PDILT: variants seen among roughly 807,000 people sequenced by gnomAD.
PDILT encodes the protein protein disulfide isomerase like, testis expressed.
In PDILT, 43 loss-of-function variants were observed where a neutral mutation model predicts 53.7. The observed-to-expected ratio is 0.80, with a 90% confidence interval of 0.63 to 1.03. The LOEUF is 1.03. Among genes scored for constraint, PDILT ranks in the 50% least tolerant of loss-of-function variants. PDILT has a pLI of 0.00. For missense variants in PDILT, 727 were observed against 712.3 expected (o/e 1.02, Z -0.24); for synonymous variants, 282 against 274.2 (o/e 1.03, Z -0.28).
At position 20,359,542 on chromosome 16, in the gene PDILT, A is replaced by AC; in HGVS notation, c.1531dup (p.Val511GlyfsTer9). The AC allele has an allele frequency of 1.9e-6, 3 of 1,613,976 alleles. No individual in the cohort carries two copies. The highest frequency in any genetic ancestry group is 2.5e-6 in the Non-Finnish European group (3 of 1,179,996). ...CTCAGCTAGCACTTCCTCTTCTATC[A>AC]CTTCATTTTGCTCAACAGACAACAG... On this transcript the variant is annotated frameshift_variant, in exon 12 of 12. Coordinates refer to ENST00000302451, the MANE Select transcript of PDILT (RefSeq NM_174924.2). LOFTEE classifies it low-confidence loss of function (END_TRUNC).
intron 2 of PDILT, chr16:20,390,809 C>A (rs1966598517): frequency 6.6e-6 from 1 of 152,218 alleles, no homozygotes; most frequent in Non-Finnish European, 1.5e-5. Flanking sequence ...TCACCACTTA[C>A]CAGTTGTGTG....
At chr16:20,362,337 G>C (rs1011888969) in intron 10 of PDILT, 67 bp downstream of exon 10, 2 of 1,543,822 alleles carry the variant, frequency 1.3e-6, no homozygotes, top group South Asian at 2.4e-5. Context: ...TGGTGGTAGG[G>C]AGAAACTGAG....
rs1053207632 is a variant in PDILT, at chr16:20,372,742, G to T, written c.918+60C>A. ...AGCAGGGCAGGCAAATGGGCTCAGG[G>T]TCTGCAGGTCTTGGATCCTCATCCA... On this transcript the variant is annotated intron_variant, in intron 7 of 11. Transcript: ENST00000302451. The T allele has an allele frequency of 3.2e-5, 51 of 1,580,276 alleles. No individual in the cohort carries two copies. In the Admixed American group the frequency reaches 8.4e-4, roughly 26 times the overall value.
Position 20,376,066 on chromosome 16 carries a change from A to G in PDILT, c.543+2T>C. Reference sequence around the variant, plus strand: ...CCTCCTCCCACCTCTTGGTCCCAGTACCTGGAAGAAGCCAACGATGACCAA... The same window carrying G: ...CCTCCTCCCACCTCTTGGTCCCAGTGCCTGGAAGAAGCCAACGATGACCAA... On this transcript the variant is annotated splice_donor_variant, in intron 4 of 11. Transcript: ENST00000302451. LOFTEE classifies it high-confidence loss of function. 1 of 1,614,038 alleles carries G rather than the reference A, an allele frequency of 6.2e-7. No individual in the cohort carries two copies. The highest frequency in any genetic ancestry group is 2.2e-5 in the East Asian group (1 of 44,880).
rs1567324093 is a variant in PDILT at position 20,374,863 on chromosome 16, GC to G, written c.639del (p.Arg214ValfsTer18). ...FGVITIGNVI[G>X]RFHVTLDSVL... ...ACGCTGTCAAGGGTGACGTGGAAAC[GC>G]CCAATGACATTGCCAATCGTTATGA... is the stretch of plus-strand genomic sequence containing the variant. On this transcript the variant is annotated frameshift_variant, in exon 5 of 12. Transcript: ENST00000302451. LOFTEE classifies it high-confidence loss of function. 1 of 1,613,870 alleles carries G rather than the reference GC, an allele frequency of 6.2e-7. No individual in the cohort carries two copies. Among genetic ancestry groups the G allele is most frequent in the African/African-American group, 1.3e-5 (1 of 74,914 alleles).
chr16:20,393,847 A>T (rs1447967083), intron 2 of PDILT, among the ~76,000 whole-genome samples: 1 of 152,176 alleles, frequency 6.6e-6, no homozygotes, highest in African/African-American at 2.4e-5. Context: ...GCCAATTGTC[A>T]CCTTGCAGGA....
intron 8 of PDILT, among the ~76,000 whole-genome samples, chr16:20,367,364 C>T (rs1966228090): frequency 1.3e-5 from 2 of 152,128 alleles, no homozygotes; most frequent in South Asian, 2.1e-4. Context: ...ACAGTGTCCT[C>T]CCTCACCACA....
At chr16:20,377,923 C>T (rs770451926) in intron 3 of PDILT, among the ~76,000 whole-genome samples, 4 of 151,866 alleles carry the variant, frequency 2.6e-5, no homozygotes, top group Non-Finnish European at 4.4e-5. Context: ...CACCGCACTC[C>T]TGCGCGGGAG....
At position 20,369,549 on chromosome 16, in the gene PDILT, G is replaced by A. The variant is rs1374684651; in HGVS notation, c.1059C>T (p.Asp353=). ...ATTTCTTGAGGCTTTCGTAGGTTAT[G>A]TCATCTGAAGGCATTTTGTACCTGG... ...SDARYKMPSD[D]ITYESLKKFG... The change falls in exon 8 of 12, where the codon GAC becomes GAT. Residue 353 remains aspartate (D), a synonymous_variant. Coordinates refer to ENST00000302451, the MANE Select transcript of PDILT (RefSeq NM_174924.2). 1 of 1,614,208 alleles carries A rather than the reference G, an allele frequency of 6.2e-7. No homozygotes were observed.
At chr16:20,366,998 T>C (rs13331900) in intron 8 of PDILT, among the ~76,000 whole-genome samples, 2 of 149,668 alleles carry the variant, frequency 1.3e-5, no homozygotes, top group Admixed American at 1.3e-4. Context: ...CTTTCTTTCT[T>C]TCTTTATTTA....
chr16:20,370,277 G>T (rs150365390), intron 7 of PDILT, among the ~76,000 whole-genome samples: 1 of 152,284 alleles, frequency 6.6e-6, no homozygotes, highest in Admixed American at 6.5e-5. Flanking sequence ...TTATGTTCTA[G>T]TGGAGAAGAC....
intron 1 of PDILT, among the ~76,000 whole-genome samples, chr16:20,402,277 G>A (rs1401567950): frequency 8.0e-6 from 1 of 124,898 alleles, no homozygotes; most frequent in African/African-American, 3.3e-5. Context: ...GTTGGAGTCA[G>A]GGAGGAGTGT....
At chr16:20,370,093 A>AT (rs1370909921) in intron 7 of PDILT, among the ~76,000 whole-genome samples, 2 of 152,186 alleles carry the variant, frequency 1.3e-5, no homozygotes, top group Non-Finnish European at 2.9e-5. Context: ...AATTCTTATT[A>AT]TTTTTTATTT....
chr16:20,364,839 A>T (rs749118545), intron 9 of PDILT, among the ~76,000 whole-genome samples: 2 of 152,168 alleles, frequency 1.3e-5, no homozygotes, highest in Non-Finnish European at 2.9e-5. Flanking sequence ...CTGTACATGG[A>T]GGATTGGGGT....
intron 8 of PDILT, among the ~76,000 whole-genome samples, chr16:20,366,991 T>TTCCTTCCTTCCTTC (rs1471005920): frequency 7.2e-6 from 1 of 139,100 alleles, no homozygotes; most frequent in Non-Finnish European, 1.5e-5. Flanking sequence ...TTCCTTCCTT[T>TTCCTTCCTTCCTTC]CTTTCTTTCT....
chr16:20,382,001 C>T (rs1966467912), intron 3 of PDILT, among the ~76,000 whole-genome samples: 2 of 152,144 alleles, frequency 1.3e-5, no homozygotes, highest in African/African-American at 4.8e-5. Context: ...TGGGTTCAAG[C>T]AATTCTCCCA....
Position 20,359,497 on chromosome 16 carries a change from A to G in PDILT, c.1577T>C (p.Met526Thr), listed in dbSNP as rs1455942190. 3 of 1,613,978 alleles carry G rather than the reference A, an allele frequency of 1.9e-6. No homozygotes were observed. Among genetic ancestry groups the G allele is most frequent in the Non-Finnish European group, 2.5e-6 (3 of 1,179,948 alleles). The change falls in exon 12 of 12, where the codon ATG becomes ACG. Residue 526 changes from methionine (M) to threonine (T), a missense_variant. Transcript: ENST00000302451. ...CTGCTGTTCAGGTAACCCTTTCCTCATCATAGGCACCTCCTTTTCCTCAGC... is the reference window on the plus strand; with the variant it reads ...CTGCTGTTCAGGTAACCCTTTCCTCGTCATAGGCACCTCCTTTTCCTCAGC... ...VLAEEKEVPM[M>T]RKGLPEQQSP... is the part of the protein sequence containing the mutation.
At chr16:20,387,081 A>G (rs1966549417) in intron 2 of PDILT, among the ~76,000 whole-genome samples, 1 of 152,208 alleles carries the variant, frequency 6.6e-6, no homozygotes, top group African/African-American at 2.4e-5. Flanking sequence ...TCATTCATTT[A>G]TTCATTCATA....
chr16:20,368,804 G>A (rs368381099), intron 8 of PDILT, among the ~76,000 whole-genome samples: 2 of 152,012 alleles, frequency 1.3e-5, no homozygotes, highest in South Asian at 2.1e-4. Flanking sequence ...GTATGGCCTC[G>A]AACTCCTGGG....
Sources: allele counts gnomAD v4.1 joint callset (sites outside exome capture counted in the v4.1 genomes callset), GRCh38; gene constraint gnomAD v4.1.1; transcripts MANE v1.5; gene names NCBI Gene and HGNC (gene_info 2026-07-23, HGNC 2026-07-21).